The following SLC48A1 variants were observed in gnomAD, a reference collection of about 807,000 sequenced individuals.
SLC48A1 encodes solute carrier family 48 member 1.
Under a neutral mutation model 14.8 loss-of-function variants are expected in SLC48A1, and 6 were observed. That is an observed-to-expected ratio of 0.41 (90% confidence interval 0.22 to 0.80). SLC48A1 has a LOEUF of 0.80. Among genes scored for constraint, SLC48A1 ranks in the 30% least tolerant of loss-of-function variants. The probability of loss-of-function intolerance (pLI) is 0.34; values close to 1 mark genes in which losing one functional copy is unlikely to be tolerated. For missense variants in SLC48A1, 165 were observed against 204.8 expected (o/e 0.81, Z 1.19); for synonymous variants, 89 against 90.0 (o/e 0.99, Z 0.06).
chr12:47,758,746 C>A, intron 1 of SLC48A1: 1 of 1,298,006 alleles, frequency 7.7e-7, no homozygotes, highest in Non-Finnish European at 9.8e-7. Flanking sequence ...GGAGAGGCTC[C>A]TCTTGGGTGA....
upstream of SLC48A1, among the ~76,000 whole-genome samples, chr12:47,755,074 C>T (rs555304420): frequency 1.3e-5 from 2 of 152,078 alleles, no homozygotes; most frequent in African/African-American, 4.8e-5. Context: ...TGCATGGGGC[C>T]GGGATGATGC....
At position 47,780,304 on chromosome 12, in the gene SLC48A1, CCCTGGGGGGGCCTTAGGA is replaced by C. The variant is rs772456633; in HGVS notation, c.*29_*46del. Reference sequence around the variant, plus strand: ...TGACCCAGGGGGTGAGGTCTCTGCACCCTGGGGGGGCCTTAGGACCTGGACTCAGCCTCTGAGATGTTG... The same window carrying C: ...TGACCCAGGGGGTGAGGTCTCTGCACCCTGGACTCAGCCTCTGAGATGTTG... On this transcript the variant is annotated 3_prime_UTR_variant, in exon 3 of 3. Transcript: ENST00000442218. The C allele has an allele frequency of 6.2e-7, 1 of 1,614,134 alleles. No homozygotes were observed. Among genetic ancestry groups the C allele is most frequent in the East Asian group, 2.2e-5 (1 of 44,878 alleles).
intron 1 of SLC48A1, among the ~76,000 whole-genome samples, chr12:47,776,541 G>A (rs1942758761): frequency 6.6e-6 from 1 of 152,204 alleles, no homozygotes; most frequent in South Asian, 2.1e-4. Context: ...TCCCTTCCCA[G>A]GAGGGTGGTG....
upstream of SLC48A1, among the ~76,000 whole-genome samples, chr12:47,757,633 A>G (rs186079391): frequency 1.2e-3 from 176 of 152,106 alleles, 1 homozygote; most frequent in African/African-American, 3.5e-3. Context: ...CCTTCCCCCC[A>G]TGCCCAAACA....
upstream of SLC48A1, among the ~76,000 whole-genome samples, chr12:47,756,830 G>A (rs1034272830): frequency 1.3e-5 from 2 of 152,088 alleles, no homozygotes; most frequent in African/African-American, 2.4e-5. Flanking sequence ...TTAGCTGGGC[G>A]TGGTGGCGCA....
chr12:47,782,311 C>G lies in SLC48A1; in HGVS notation c.*2030C>G, dbSNP rs1942902202. 1.3e-5 allele frequency: 2 copies of G among 152,228 alleles called. No homozygotes were observed. Among genetic ancestry groups the G allele is most frequent in the South Asian group, 4.1e-4 (2 of 4,834 alleles). 9.4% of individuals were successfully genotyped at this position (152,228 alleles called of 1,614,324 possible). A position where few individuals can be genotyped will look rare whatever the true frequency, so the allele number is the denominator to read the frequency against. On this transcript the variant is annotated 3_prime_UTR_variant, in exon 3 of 3. Coordinates refer to ENST00000442218, the MANE Select transcript of SLC48A1 (RefSeq NM_017842.3). The stretch of plus-strand genomic sequence containing the variant: ...GGAGCCTTCTACTGATAAACAGAGG[C>G]CCCAGAAGACGATTTGACTTACCTG...
upstream of SLC48A1, chr12:47,758,396 A>G: frequency 2.0e-5 from 31 of 1,527,580 alleles, no homozygotes; most frequent in Non-Finnish European, 2.7e-5. Context: ...CTATAGATTC[A>G]CTAGGTCTCC....
chr12:47,774,845 C>T (rs1942707139), intron 1 of SLC48A1, among the ~76,000 whole-genome samples: 1 of 152,212 alleles, frequency 6.6e-6, no homozygotes, highest in Admixed American at 6.5e-5. Flanking sequence ...GCCCTAGTTC[C>T]TTTCCCCACT....
At chr12:47,778,820 G>A (rs1942803746) in intron 1 of SLC48A1, 1 of 469,182 alleles carries the variant, frequency 2.1e-6, no homozygotes, top group African/African-American at 2.0e-5. Context: ...TATTTCTGCA[G>A]GTTTCTCTAA....
chr12:47,773,453 G>A lies in SLC48A1; in HGVS notation c.136+13G>A. 2 of 1,342,548 alleles carry A rather than the reference G, an allele frequency of 1.5e-6. No homozygotes were observed. The highest frequency in any genetic ancestry group is 3.2e-5 in the East Asian group (1 of 31,204). The allele number at this position is 1,342,548 out of a possible 1,614,324, so 83.2% of individuals were successfully genotyped here. A position where few individuals can be genotyped will look rare whatever the true frequency, so the allele number is the denominator to read the frequency against. ...GGAGGGCTCGCAGGTACCCCGGGAC[G>A]CTGGGCGGCGCGGGGCGGGTGCGCG... On this transcript the variant is annotated intron_variant, in intron 1 of 2. Coordinates refer to ENST00000442218, the MANE Select transcript of SLC48A1 (RefSeq NM_017842.3).
chr12:47,776,474 A>T (rs1942755640), intron 1 of SLC48A1, among the ~76,000 whole-genome samples: 1 of 148,626 alleles, frequency 6.7e-6, no homozygotes, highest in Admixed American at 6.7e-5. Flanking sequence ...GTGGGAGGGG[A>T]CCAGTGAGGG....
At chr12:47,768,578 G>T (rs1177128056), upstream of SLC48A1, 1 of 152,182 alleles carries the variant, frequency 6.6e-6, no homozygotes, top group Non-Finnish European at 1.5e-5. Flanking sequence ...CTCTGCATGG[G>T]GATTAACAGG....
rs759980905 is a variant in SLC48A1 at position 47,780,886 on chromosome 12, C to T, written c.*605C>T. On this transcript the variant is annotated 3_prime_UTR_variant, in exon 3 of 3. Coordinates refer to ENST00000442218, the MANE Select transcript of SLC48A1 (RefSeq NM_017842.3). ...CCGGCCTGGATCTGTTTTCTTAGCA[C>T]GCAGTGAGGAATCTTTGTACTTAAG... The T allele has an allele frequency of 6.4e-5, 34 of 532,622 alleles. No homozygotes were observed. The highest frequency in any genetic ancestry group is 5.2e-4 in the Admixed American group (27 of 51,540). The allele number at this position is 532,622 out of a possible 1,614,324, so 33.0% of individuals were successfully genotyped here. A position where few individuals can be genotyped will look rare whatever the true frequency, so the allele number is the denominator to read the frequency against.
chr12:47,762,027 G>C (rs1310312732), intron 2 of SLC48A1, among the ~76,000 whole-genome samples: 1 of 152,022 alleles, frequency 6.6e-6, no homozygotes, highest in Non-Finnish European at 1.5e-5. Context: ...CATACTGACA[G>C]CTCCTATAAA....
chr12:47,779,161 C>T lies in SLC48A1; in HGVS notation c.270C>T (p.Cys90=), dbSNP rs1293483699. The change falls in exon 2 of 3, where the codon TGC becomes TGT. Residue 90 remains cysteine, a synonymous_variant. Coordinates refer to ENST00000442218, the MANE Select transcript of SLC48A1 (RefSeq NM_017842.3). ...LFSAVSIAAF[C]TFLVLAITRH... ...CGGCCGTCTCCATCGCTGCCTTCTG[C>T]ACCTTCCTCGTGCTGGCCATCACCC... 2 of 1,551,852 alleles carry T rather than the reference C, an allele frequency of 1.3e-6. No individual in the cohort carries two copies. The highest frequency in any genetic ancestry group is 2.0e-5 in the Admixed American group (1 of 51,010).
intron 2 of SLC48A1, among the ~76,000 whole-genome samples, chr12:47,779,766 C>T (rs910513572): frequency 1.3e-5 from 2 of 152,210 alleles, no homozygotes; most frequent in African/African-American, 4.8e-5. Flanking sequence ...GAGGGGCAAG[C>T]GAGCCTTACC....
At chr12:47,772,714 G>C (rs1229119254), upstream of SLC48A1, among the ~76,000 whole-genome samples, 1 of 151,988 alleles carries the variant, frequency 6.6e-6, no homozygotes, top group Non-Finnish European at 1.5e-5. Flanking sequence ...AGCTGTGCGT[G>C]AGGATAGAAT....
chr12:47,773,809 A>AAC (rs34356737), intron 1 of SLC48A1, among the ~76,000 whole-genome samples: 41,530 of 150,654 alleles, frequency 0.28, 7,037 homozygotes, highest in Non-Finnish European at 0.39. Flanking sequence ...CCTATCCCCA[A>AAC]ACACACACAC....
At chr12:47,767,081 G>A (rs564301599), upstream of SLC48A1, among the ~76,000 whole-genome samples, 1 of 152,194 alleles carries the variant, frequency 6.6e-6, no homozygotes, top group Admixed American at 6.5e-5. Context: ...GCTGCAGGAG[G>A]GGGGCCTGGG....
Sources: gnomAD v4.1 joint callset for allele counts (sites outside exome capture counted in the v4.1 genomes callset) on GRCh38, gnomAD v4.1.1 for gene constraint, MANE v1.5 for transcripts, NCBI Gene and HGNC (gene_info 2026-07-23, HGNC 2026-07-21) for gene names.